The following GNAI3 variants were observed in gnomAD, a reference collection of about 807,000 sequenced individuals.
GNAI3 encodes G protein subunit alpha i3.
In GNAI3, 12 loss-of-function variants were observed where a neutral mutation model predicts 41.8. The observed-to-expected ratio is 0.29, with a 90% CI of 0.18 to 0.47. The LOEUF (loss-of-function observed/expected upper bound fraction) is 0.47, where lower values mean the gene tolerates loss of function less well. Ranked by LOEUF, GNAI3 falls within the 20% of genes least tolerant of loss-of-function variation. The probability of loss-of-function intolerance (pLI) is 1.00; values close to 1 mark genes in which losing one functional copy is unlikely to be tolerated. For synonymous variants in GNAI3, 132 were observed against 146.5 expected (o/e 0.90, Z 0.71); for missense variants, 360 against 429.6 (o/e 0.84, Z 1.43).
intron 3 of GNAI3, among the ~76,000 whole-genome samples, chr1:109,576,178 C>A (rs957574392): frequency 6.6e-6 from 1 of 151,960 alleles, no homozygotes; most frequent in Non-Finnish European, 1.5e-5. Context: ...AAGTGATTCT[C>A]CTACCTCAGC....
At chr1:109,553,716 T>A (rs1648065923) in intron 1 of GNAI3, among the ~76,000 whole-genome samples, 1 of 152,246 alleles carries the variant, frequency 6.6e-6, no homozygotes, top group African/African-American at 2.4e-5. Flanking sequence ...GTCACTTTTT[T>A]AACATTTCAA....
At chr1:109,572,250 C>T (rs906825182) in intron 1 of GNAI3, among the ~76,000 whole-genome samples, 7 of 152,104 alleles carry the variant, frequency 4.6e-5, no homozygotes, top group African/African-American at 1.2e-4. Context: ...GCGGAGGTTG[C>T]GGTGAGCCGA....
At chr1:109,580,015 G>A (rs1258354126) in intron 4 of GNAI3, among the ~76,000 whole-genome samples, 2 of 150,898 alleles carry the variant, frequency 1.3e-5, no homozygotes, top group African/African-American at 4.9e-5. Context: ...TATTTTTTTT[G>A]TTTTGAGACG....
At chr1:109,564,761 G>A (rs1648406950) in intron 1 of GNAI3, among the ~76,000 whole-genome samples, 1 of 152,198 alleles carries the variant, frequency 6.6e-6, no homozygotes, top group Admixed American at 6.5e-5. Flanking sequence ...CACTGAGGTA[G>A]CGAAGTAGGG....
In GNAI3 at chr1:109,597,952, G is replaced by A. The variant is rs1366272879; in HGVS notation, c.*5630G>A. On this transcript the variant is annotated 3_prime_UTR_variant, in exon 9 of 9. Coordinates refer to ENST00000369851, the MANE Select transcript of GNAI3 (RefSeq NM_006496.4). Reference sequence around the variant, plus strand: ...AAAAGCCTTTGTATGCCCAGTGCTAGTGTTTTCCTGAAATCTAGTGAGAAT... The same window carrying A: ...AAAAGCCTTTGTATGCCCAGTGCTAATGTTTTCCTGAAATCTAGTGAGAAT... The A allele has an allele frequency of 2.6e-5, 4 of 152,328 alleles. No homozygotes were observed. The highest frequency in any genetic ancestry group is 3.4e-3 in the Middle Eastern group (1 of 294). 9.4% of individuals were successfully genotyped at this position (152,328 alleles called of 1,614,324 possible).
At position 109,596,371 on chromosome 1, in the gene GNAI3, T is replaced by C. The variant is rs1649310376; in HGVS notation, c.*4049T>C. 6.6e-6 allele frequency: 1 copy of C among 152,334 alleles called. No homozygotes were observed. The highest frequency in any genetic ancestry group is 2.4e-5 in the African/African-American group (1 of 41,434). The allele number at this position is 152,334 out of a possible 1,614,324, so 9.4% of individuals were successfully genotyped here. On this transcript the variant is annotated 3_prime_UTR_variant, in exon 9 of 9. Coordinates refer to ENST00000369851, the MANE Select transcript of GNAI3 (RefSeq NM_006496.4). ...TTTTCTTGTTTTTCTTTTTTCTTTT[T>C]TTGAGACAGTCTTGCTCTGTTGCCC...
chr1:109,565,077 A>T (rs971126238), intron 1 of GNAI3, among the ~76,000 whole-genome samples: 1 of 151,894 alleles, frequency 6.6e-6, no homozygotes, highest in Non-Finnish European at 1.5e-5. Context: ...CCTGGCCAAG[A>T]TGGTGAAACC....
chr1:109,575,357 G>T (rs1648708385), intron 3 of GNAI3, among the ~76,000 whole-genome samples: 2 of 150,924 alleles, frequency 1.3e-5, no homozygotes, highest in South Asian at 2.1e-4. Flanking sequence ...CTTCTCTGTT[G>T]TATTTGTTGT....
At position 109,563,563 on chromosome 1, in the gene GNAI3, T is replaced by A. The variant is rs560021897; in HGVS notation, c.119-10174T>A. 7.6e-4 allele frequency among the ~76,000 whole-genome samples: 115 copies of A among 152,054 alleles called. 1 individual carries two copies. The highest frequency in any genetic ancestry group is 1.7e-3 in the East Asian group (9 of 5,178). On this transcript the variant is annotated intron_variant, in intron 1 of 8. Coordinates refer to ENST00000369851, the MANE Select transcript of GNAI3 (RefSeq NM_006496.4). ...TTAGCTGAGTGAGCTGCCTTTTTTT[T>A]AAAAAAAACTCAAGCCAACCCTTCC...
chr1:109,590,193 T>A (rs954959089), intron 7 of GNAI3, among the ~76,000 whole-genome samples: 3 of 151,876 alleles, frequency 2.0e-5, no homozygotes, highest in Non-Finnish European at 4.4e-5. Context: ...CAGAGGGAGG[T>A]GAGAATAAGG....
intron 1 of GNAI3, among the ~76,000 whole-genome samples, chr1:109,564,174 C>T (rs1196346666): frequency 2.0e-5 from 3 of 151,864 alleles, no homozygotes; most frequent in African/African-American, 7.3e-5. Context: ...AGAATCAGGC[C>T]GCAAGAACTG....
At chr1:109,563,724 T>C (rs777562647) in intron 1 of GNAI3, among the ~76,000 whole-genome samples, 2 of 152,142 alleles carry the variant, frequency 1.3e-5, no homozygotes, top group East Asian at 3.8e-4. Context: ...TATAGTGCCA[T>C]GTAAGTTATG....
At position 109,549,013 on chromosome 1, in the gene GNAI3, G is replaced by C. The variant is rs556852788; in HGVS notation, c.118+175G>C. Among the ~76,000 whole-genome samples the C allele has an allele frequency of 2.0e-5, 3 of 152,158 alleles. No individual in the cohort carries two copies. The East Asian group carries it at 5.8e-4, about 29-fold the overall frequency. On this transcript the variant is annotated intron_variant, in intron 1 of 8. Coordinates refer to ENST00000369851, the MANE Select transcript of GNAI3 (RefSeq NM_006496.4). Reference sequence around the variant, plus strand: ...TGAGGCCCCAGAGGGCGTGATGAGGGGGGTGGGGTTTTGGGGTTGCGGGAA... The same window carrying C: ...TGAGGCCCCAGAGGGCGTGATGAGGCGGGTGGGGTTTTGGGGTTGCGGGAA...
intron 1 of GNAI3, among the ~76,000 whole-genome samples, chr1:109,552,606 T>C (rs1648006617): frequency 6.6e-6 from 1 of 152,202 alleles, no homozygotes; most frequent in Non-Finnish European, 1.5e-5. Context: ...AAAAATTTTA[T>C]TTGGTATAAA....
chr1:109,591,701 T>C, intron 7 of GNAI3: 1 of 381,520 alleles, frequency 2.6e-6, no homozygotes, highest in Non-Finnish European at 4.7e-6. Context: ...TCAGACCTTT[T>C]AAGCAGTTGT....
intron 1 of GNAI3, among the ~76,000 whole-genome samples, chr1:109,567,862 T>C (rs1311602992): frequency 2.0e-5 from 3 of 152,234 alleles, no homozygotes; most frequent in East Asian, 1.9e-4. Context: ...AGGAAATTCA[T>C]TGTGCTTGAA....
rs1649214038 is a variant in GNAI3 at position 109,593,204 on chromosome 1, T to C, written c.*882T>C. On this transcript the variant is annotated 3_prime_UTR_variant, in exon 9 of 9. Coordinates refer to ENST00000369851, the MANE Select transcript of GNAI3 (RefSeq NM_006496.4). Reference sequence around the variant, plus strand: ...CTACATATTTACTAAATTGACCACTTTGATTCTTGCTTGTTTGTCTCAGTT... The same window carrying C: ...CTACATATTTACTAAATTGACCACTCTGATTCTTGCTTGTTTGTCTCAGTT... 2 of 152,672 alleles carry C rather than the reference T, an allele frequency of 1.3e-5. No individual in the cohort carries two copies. The highest frequency in any genetic ancestry group is 2.9e-5 in the Non-Finnish European group (2 of 68,042). The allele number at this position is 152,672 out of a possible 1,614,324, so 9.5% of individuals were successfully genotyped here.
At chr1:109,561,746 C>T (rs182277894) in intron 1 of GNAI3, among the ~76,000 whole-genome samples, 4 of 152,144 alleles carry the variant, frequency 2.6e-5, no homozygotes, top group Admixed American at 1.3e-4. Context: ...GAGACATATA[C>T]GTTAGGGAAG....
Position 109,595,408 on chromosome 1 carries a change from T to C in GNAI3, c.*3086T>C, listed in dbSNP as rs1415768692. On this transcript the variant is annotated 3_prime_UTR_variant, in exon 9 of 9. Coordinates refer to ENST00000369851, the MANE Select transcript of GNAI3 (RefSeq NM_006496.4). ...TCACAGTGAATCGTTTTTTAAATTT[T>C]TACTGATGGATCGTTATTTTTCACA... is the stretch of plus-strand genomic sequence containing the variant. 1 of 152,224 alleles carries C rather than the reference T, an allele frequency of 6.6e-6. No individual in the cohort carries two copies. The highest frequency in any genetic ancestry group is 1.5e-5 in the Non-Finnish European group (1 of 68,028). The allele number at this position is 152,224 out of a possible 1,614,324, so 9.4% of individuals were successfully genotyped here. A position where few individuals can be genotyped will look rare whatever the true frequency, so the allele number is the denominator to read the frequency against.
Sources: allele counts gnomAD v4.1 joint callset (sites outside exome capture counted in the v4.1 genomes callset), GRCh38; gene constraint gnomAD v4.1.1; transcripts MANE v1.5; gene names NCBI Gene and HGNC (gene_info 2026-07-23, HGNC 2026-07-21).